The following TTC39A variants were observed in gnomAD, a reference collection of about 807,000 sequenced individuals.
TTC39A encodes the protein tetratricopeptide repeat protein 39A.
In TTC39A, 46 loss-of-function variants were observed where a neutral mutation model predicts 82.3. That is an observed-to-expected ratio of 0.56 (90% CI 0.44 to 0.71). The LOEUF (loss-of-function observed/expected upper bound fraction) is 0.71. Among genes scored for constraint, TTC39A ranks in the 30% least tolerant of loss-of-function variants. The pLI is 0.00. For synonymous variants in TTC39A, 254 were observed against 275.2 expected (o/e 0.92, Z 0.76); for missense variants, 543 against 712.9 (o/e 0.76, Z 2.71).
chr1:51,293,970 C>T (rs1459056122), intron 14 of TTC39A, among the ~76,000 whole-genome samples: 2 of 152,154 alleles, frequency 1.3e-5, no homozygotes, highest in African/African-American at 4.8e-5. Context: ...AGCAAGTGCT[C>T]GATAACGATG....
intron 1 of TTC39A, among the ~76,000 whole-genome samples, chr1:51,328,181 CTATTT>C (rs759792024): frequency 3.0e-4 from 45 of 152,224 alleles, no homozygotes; most frequent in African/African-American, 9.4e-4. Context: ...GATCCTGTCT[CTATTT>C]TATTTTATTT....
chr1:51,295,988 G>A, intron 13 of TTC39A, 91 bp downstream of exon 13: 2 of 1,422,586 alleles, frequency 1.4e-6, no homozygotes, highest in Non-Finnish European at 1.9e-6. Context: ...CCTCCCCAGT[G>A]CCCACAGCTC....
At chr1:51,338,586 G>A (rs752193138) in intron 1 of TTC39A, among the ~76,000 whole-genome samples, 1 of 150,216 alleles carries the variant, frequency 6.7e-6, no homozygotes, top group Non-Finnish European at 1.5e-5. Context: ...GCGCTGTCGA[G>A]TGGAGATTTA....
intron 6 of TTC39A, among the ~76,000 whole-genome samples, chr1:51,307,128 C>A: frequency 6.6e-6 from 1 of 152,110 alleles, no homozygotes; most frequent in East Asian, 1.9e-4. Flanking sequence ...GGAGATGTGG[C>A]AAGAAGGGCC....
At position 51,301,591 on chromosome 1, in the gene TTC39A, T is replaced by C; in HGVS notation, c.1034A>G (p.Lys345Arg). The C allele has an allele frequency of 6.2e-7, 1 of 1,610,722 alleles. No homozygotes were observed. Among genetic ancestry groups the C allele is most frequent in the Non-Finnish European group, 8.5e-7 (1 of 1,178,136 alleles). The change falls in exon 12 of 18, where the codon AAG becomes AGG. Residue 345 changes from lysine to arginine, a missense_variant. Transcript: ENST00000680483. ...MSYFYADLLS[K>R]ENCWSKATYI... ...GCCCACCTTGGACCAGCAGTTCTCC[T>C]TGCTGAGCAGGTCGGCGTAGAAGTA...
In TTC39A at chr1:51,321,951, C is replaced by T; in HGVS notation, c.42-126G>A. On this transcript the variant is annotated intron_variant, in intron 1 of 17. Transcript: ENST00000680483. This position sits in a 1 kb window ranked among gnomAD's most constrained non-coding sequence, Gnocchi z 4.6. Reference sequence around the variant, plus strand: ...AGCCTTGGGTGCCTGTCACGAGCTCCTCCAGGCTGCCACTCTGTACTGGGA... The same window carrying T: ...AGCCTTGGGTGCCTGTCACGAGCTCTTCCAGGCTGCCACTCTGTACTGGGA... 4 of 1,319,894 alleles carry T rather than the reference C, an allele frequency of 3.0e-6. No individual in the cohort carries two copies. In the South Asian group the frequency reaches 5.5e-5, roughly 18 times the overall value. The allele number at this position is 1,319,894 out of a possible 1,614,324, so 81.8% of individuals were successfully genotyped here. A position where few individuals can be genotyped will look rare whatever the true frequency, so the allele number is the denominator to read the frequency against.
chr1:51,290,671 G>T (rs1644177192), intron 14 of TTC39A, 46 bp from the exon 15 acceptor site: 3 of 1,525,114 alleles, frequency 2.0e-6, no homozygotes, highest in Non-Finnish European at 2.7e-6. Context: ...TCCCTAATGG[G>T]GCCTCAGTTT....
intron 7 of TTC39A, 138 bp downstream of exon 7, chr1:51,305,839 G>A: frequency 1.2e-6 from 1 of 830,376 alleles, no homozygotes; most frequent in South Asian, 1.7e-5. Context: ...CTGGCCACAT[G>A]TCTGGTCACC....
In TTC39A at chr1:51,303,186, C is replaced by T; in HGVS notation, c.661G>A (p.Gly221Arg). 1.3e-6 allele frequency: 1 copy of T among 787,546 alleles called. No homozygotes were observed. Among genetic ancestry groups the T allele is most frequent in the Non-Finnish European group, 2.0e-6 (1 of 503,314 alleles). 48.8% of individuals were successfully genotyped at this position (787,546 alleles called of 1,614,324 possible). A position where few individuals can be genotyped will look rare whatever the true frequency, so the allele number is the denominator to read the frequency against. Residue 221 changes from glycine (G) to arginine (R), a missense_variant, in exon 9 of 18, where the codon GGG becomes AGG. Gly to Arg is a moderately radical substitution (Grantham distance 125). Coordinates refer to ENST00000680483, the MANE Select transcript of TTC39A (RefSeq NM_001297663.2). ...GCTCCCTCCTCCAGCTGCAGCAGCCCATAGTCCTGAGGGGATGGGAGGGTG... is the reference window on the plus strand; with the variant it reads ...GCTCCCTCCTCCAGCTGCAGCAGCCTATAGTCCTGAGGGGATGGGAGGGTG... Reference protein sequence around the residue: ...FVGFSGNKDYGLLQLEEGASG... With the variant: ...FVGFSGNKDYRLLQLEEGASG...
At chr1:51,290,868 G>A (rs1274966621) in intron 14 of TTC39A, among the ~76,000 whole-genome samples, 2 of 152,174 alleles carry the variant, frequency 1.3e-5, no homozygotes, top group African/African-American at 4.8e-5. Flanking sequence ...ACCAATGTCC[G>A]TAATGTGCTG....
At chr1:51,329,766 T>A (rs1463387345) in intron 1 of TTC39A, 5 of 152,262 alleles carry the variant, frequency 3.3e-5, no homozygotes, top group African/African-American at 1.2e-4. Flanking sequence ...TTGCTGAAGG[T>A]CTCCCGGCAG....
chr1:51,315,823 T>C (rs910785737), intron 2 of TTC39A, among the ~76,000 whole-genome samples: 8 of 152,194 alleles, frequency 5.3e-5, no homozygotes, highest in Admixed American at 4.6e-4. Context: ...CTCCTTCTCA[T>C]CCAGTCCATC....
chr1:51,294,795 G>T lies in TTC39A; in HGVS notation c.1146-284C>A, dbSNP rs1644353246. 6.6e-6 allele frequency among the ~76,000 whole-genome samples: 1 copy of T among 152,186 alleles called. No individual in the cohort carries two copies. The highest frequency in any genetic ancestry group is 6.5e-5 in the Admixed American group (1 of 15,288). ...TGCCAAACACCCCTGGGCCGGCCCT[G>T]CCTCCTAGTTATCGCCTCCACTCCC... On this transcript the variant is annotated intron_variant, in intron 13 of 17. Transcript: ENST00000680483. This position sits in a 1 kb window ranked among gnomAD's most constrained non-coding sequence, Gnocchi z 4.3.
At chr1:51,295,942 G>A in intron 13 of TTC39A, 137 bp downstream of exon 13, 2 of 873,148 alleles carry the variant, frequency 2.3e-6, no homozygotes, top group Non-Finnish European at 3.7e-6. Context: ...AGGGGGGGCA[G>A]TCCGCGGGTG....
At chr1:51,341,814 G>C (rs1167311630) in intron 1 of TTC39A, among the ~76,000 whole-genome samples, 1 of 152,154 alleles carries the variant, frequency 6.6e-6, no homozygotes, top group Non-Finnish European at 1.5e-5. Flanking sequence ...CTCAGCACTG[G>C]CCTCAAGTCC....
intron 1 of TTC39A, among the ~76,000 whole-genome samples, chr1:51,328,438 G>A (rs1476253684): frequency 2.6e-5 from 4 of 152,216 alleles, no homozygotes; most frequent in African/African-American, 9.7e-5. Context: ...GGCTAAATCT[G>A]AGACCTGAAG....
intron 3 of TTC39A, 143 bp downstream of exon 3, chr1:51,312,669 A>G: frequency 7.9e-7 from 1 of 1,264,704 alleles, no homozygotes; most frequent in South Asian, 1.4e-5. Flanking sequence ...CAGGGCCAAC[A>G]GGGACAGCTC....
At chr1:51,337,410 G>A (rs1645988308) in intron 1 of TTC39A, among the ~76,000 whole-genome samples, 2 of 150,542 alleles carry the variant, frequency 1.3e-5, no homozygotes, top group African/African-American at 2.4e-5. Flanking sequence ...GGCCTTCCCT[G>A]ACTATTCTGT....
intron 3 of TTC39A, 77 bp downstream of exon 3, chr1:51,312,735 G>A: frequency 6.4e-7 from 1 of 1,561,302 alleles, no homozygotes; most frequent in Non-Finnish European, 8.7e-7. Context: ...ATAGTGGCAT[G>A]TTAGGCCCTG....
Sources: gnomAD v4.1 joint callset for allele counts (sites outside exome capture counted in the v4.1 genomes callset) on GRCh38, gnomAD v4.1.1 for gene constraint, Gnocchi (gnomAD v3.1) non-coding constraint, MANE v1.5 for transcripts, NCBI Gene and HGNC (gene_info 2026-07-23, HGNC 2026-07-21) for gene names.